The following NIN variants were observed in gnomAD, a reference collection of about 807,000 sequenced individuals.
The protein encoded by NIN is glycogen synthase kinase 3 beta-interacting protein.
In NIN, 137 loss-of-function variants were observed where a neutral mutation model predicts 257.6. The observed-to-expected ratio is 0.53, with a 90% confidence interval of 0.46 to 0.61. The LOEUF (loss-of-function observed/expected upper bound fraction) is 0.61. Among genes scored for constraint, NIN ranks in the 20% least tolerant of loss-of-function variants. NIN has a pLI of 0.00. For synonymous variants in NIN, 918 were observed against 919.8 expected, an observed-to-expected ratio of 1.00 and a Z score of 0.04; for missense variants, 2,439 against 2,501.2, an observed-to-expected ratio of 0.98 and a Z score of 0.53.
chr14:50,720,424 CAA>C lies in NIN; in HGVS notation c.*3037_*3038del, dbSNP rs985042853. 2 of 211,754 alleles carry C rather than the reference CAA, an allele frequency of 9.4e-6. No individual in the cohort carries two copies. The highest frequency in any genetic ancestry group is 4.5e-5 in the African/African-American group (2 of 44,154). The allele number at this position is 211,754 out of a possible 1,614,324, so 13.1% of individuals were successfully genotyped here. A position where few individuals can be genotyped will look rare whatever the true frequency, so the allele number is the denominator to read the frequency against. ...ATTCATTTCTCACATGTTAAAAAAG[CAA>C]AGTCTGCCATAAACCCTTAGAGAAG... On this transcript the variant is annotated 3_prime_UTR_variant, in exon 31 of 31. Coordinates refer to ENST00000530997, the MANE Select transcript of NIN (RefSeq NM_020921.4).
intron 22 of NIN, among the ~76,000 whole-genome samples, chr14:50,745,347 G>A (rs906962296): frequency 2.0e-5 from 3 of 152,162 alleles, no homozygotes; most frequent in Non-Finnish European, 4.4e-5. Flanking sequence ...TGGGGCAGGA[G>A]AGCAATCCTC....
At chr14:50,767,371 A>T (rs1243655526) in intron 12 of NIN, among the ~76,000 whole-genome samples, 2 of 152,268 alleles carry the variant, frequency 1.3e-5, no homozygotes, top group East Asian at 3.8e-4. Context: ...AACTGAAATT[A>T]TAATGCAGGC....
At chr14:50,776,666 G>C (rs956797962) in intron 7 of NIN, among the ~76,000 whole-genome samples, 5 of 152,308 alleles carry the variant, frequency 3.3e-5, no homozygotes, top group African/African-American at 9.6e-5. Flanking sequence ...AAATACATCT[G>C]ACATCATGGC....
At position 50,721,310 on chromosome 14, in the gene NIN, C is replaced by T. The variant is rs1346867568; in HGVS notation, c.*2153G>A. 4.9e-6 allele frequency: 1 copy of T among 205,136 alleles called. No homozygotes were observed. Among genetic ancestry groups the T allele is most frequent in the Non-Finnish European group, 1.0e-5 (1 of 100,320 alleles). 12.7% of individuals were successfully genotyped at this position (205,136 alleles called of 1,614,324 possible). A position where few individuals can be genotyped will look rare whatever the true frequency, so the allele number is the denominator to read the frequency against. ...GAAAGTCATATTTACATTCATTGTA[C>T]ATTTTATATACACATAAATACAAAT... On this transcript the variant is annotated 3_prime_UTR_variant, in exon 31 of 31. Transcript: ENST00000530997.
chr14:50,741,960 T>C, intron 24 of NIN: 3 of 444,710 alleles, frequency 6.7e-6, no homozygotes, highest in Non-Finnish European at 1.2e-5. Flanking sequence ...GTATTGCTGA[T>C]AGTCATCTGG....
chr14:50,793,943 ACTCT>A (rs1237093172), intron 4 of NIN, among the ~76,000 whole-genome samples: 16 of 152,142 alleles, frequency 1.1e-4, no homozygotes, highest in African/African-American at 3.4e-4. Flanking sequence ...ACATATTCAT[ACTCT>A]CTCGAGAACA....
intron 15 of NIN, among the ~76,000 whole-genome samples, chr14:50,762,865 T>C (rs1303369442): frequency 6.6e-6 from 1 of 152,150 alleles, no homozygotes; most frequent in Non-Finnish European, 1.5e-5. Context: ...TTTGATGGCA[T>C]ATTCCCAAAT....
At chr14:50,826,229 G>A (rs1424188491) in intron 2 of NIN, among the ~76,000 whole-genome samples, 1 of 152,154 alleles carries the variant, frequency 6.6e-6, no homozygotes, top group African/African-American at 2.4e-5. Flanking sequence ...GAGCTCCAGT[G>A]TTACGAAGCC....
At chr14:50,787,274 C>T (rs913148345) in intron 5 of NIN, among the ~76,000 whole-genome samples, 1 of 152,184 alleles carries the variant, frequency 6.6e-6, no homozygotes, top group Non-Finnish European at 1.5e-5. Flanking sequence ...AGTGGTCCTG[C>T]CCCAATTGTA....
chr14:50,727,161 CAAAAA>C (rs990332422), intron 29 of NIN: 1 of 642,372 alleles, frequency 1.6e-6, no homozygotes, highest in Non-Finnish European at 1.9e-6. Flanking sequence ...CAAAGCAAAA[CAAAAA>C]AAAAGATAAT....
chr14:50,795,388 ATT>A (rs2043793164), intron 4 of NIN, among the ~76,000 whole-genome samples: 1 of 152,246 alleles, frequency 6.6e-6, no homozygotes. Flanking sequence ...CAGAGAGAAC[ATT>A]CACGGTCAAC....
intron 18 of NIN, 151 bp downstream of exon 18, chr14:50,756,341 A>T: frequency 1.3e-6 from 1 of 789,634 alleles, no homozygotes; most frequent in Non-Finnish European, 2.0e-6. Context: ...TTTATTTGTT[A>T]ATACGGCACA....
At chr14:50,735,369 G>T in intron 28 of NIN, 147 bp downstream of exon 28, 6 of 1,171,514 alleles carry the variant, frequency 5.1e-6, no homozygotes, top group Non-Finnish European at 4.6e-6. Context: ...TGTTAAACTT[G>T]GTAAGGCGGA....
intron 2 of NIN, 115 bp from the exon 3 acceptor site, chr14:50,822,192 G>A (rs2142456056): frequency 1.4e-6 from 1 of 739,672 alleles, no homozygotes; most frequent in East Asian, 2.6e-5. Flanking sequence ...GAATGCTCGG[G>A]AACACCCAGT....
At chr14:50,791,237 A>C (rs1318835974) in intron 5 of NIN, among the ~76,000 whole-genome samples, 1 of 152,242 alleles carries the variant, frequency 6.6e-6, no homozygotes, top group Non-Finnish European at 1.5e-5. Flanking sequence ...TGAAGTATGT[A>C]AATTACTTGC....
intron 24 of NIN, among the ~76,000 whole-genome samples, chr14:50,743,068 A>G (rs1445279156): frequency 2.0e-5 from 3 of 151,362 alleles, no homozygotes; most frequent in Non-Finnish European, 4.4e-5. Flanking sequence ...GGTTCAAACA[A>G]TTCTCCTGCC....
intron 4 of NIN, among the ~76,000 whole-genome samples, chr14:50,800,001 TACACATAC>T (rs1275338709): frequency 1.2e-5 from 1 of 81,332 alleles, no homozygotes; most frequent in African/African-American, 4.5e-5. Context: ...ACAATATATA[TACACATAC>T]ACACACACAC....
At chr14:50,728,969 C>T (rs10145951) in intron 29 of NIN, among the ~76,000 whole-genome samples, 4 of 152,244 alleles carry the variant, frequency 2.6e-5, no homozygotes, top group East Asian at 3.9e-4. Context: ...GCAGGCTGCA[C>T]GGCTCTGGCA....
At chr14:50,760,782 C>T (rs535137954) in intron 16 of NIN, among the ~76,000 whole-genome samples, 7 of 152,230 alleles carry the variant, frequency 4.6e-5, no homozygotes, top group Admixed American at 1.3e-4. Flanking sequence ...AAGCAATCCT[C>T]CCACCTCAGC....
Sources: allele counts gnomAD v4.1 joint callset (sites outside exome capture counted in the v4.1 genomes callset), GRCh38; gene constraint gnomAD v4.1.1; transcripts MANE v1.5; gene names NCBI Gene and HGNC (gene_info 2026-07-23, HGNC 2026-07-21).